Variants in PCDHA3 observed in about 807,000 individuals in gnomAD.
PCDHA3 encodes the protein protocadherin alpha 3.
In PCDHA3, 41 loss-of-function variants were observed where a neutral mutation model predicts 62.2. The observed-to-expected ratio is 0.66, with a 90% CI of 0.51 to 0.86. The LOEUF is 0.86. Ranked by LOEUF, PCDHA3 falls within the 40% of genes least tolerant of loss-of-function variation. PCDHA3 has a pLI of 0.00. For synonymous variants in PCDHA3, 640 were observed against 555.4 expected, an observed-to-expected ratio of 1.15 and a Z score of -2.14; for missense variants, 1,304 against 1,241.2, an observed-to-expected ratio of 1.05 and a Z score of -0.76.
At chr5:140,877,614 G>A (rs2153354451) in intron 1 of PCDHA3, 3 of 1,613,850 alleles carry the variant, frequency 1.9e-6, no homozygotes, top group Middle Eastern at 3.3e-4. Context: ...TGGTGCTCAC[G>A]CTGCTGCTGT....
intron 1 of PCDHA3, chr5:140,804,048 A>C: frequency 6.0e-6 from 1 of 167,982 alleles, no homozygotes; most frequent in East Asian, 1.8e-4. Flanking sequence ...ATAACTCCCT[A>C]TTGATTATGC....
intron 1 of PCDHA3, chr5:140,877,253 T>G (rs2056969600): frequency 1.2e-6 from 2 of 1,613,576 alleles, no homozygotes; most frequent in Non-Finnish European, 8.5e-7. Context: ...GTGGCGAAAG[T>G]GCGCGCGGTG....
Position 140,849,909 on chromosome 5 carries a change from T to A in PCDHA3, c.2394+46318T>A. ...CGTGAAGGAGAACAACCCGCCGGGC[T>A]GCCACATCTTCACGGTGTCTGCGCG... On this transcript the variant is annotated intron_variant, in intron 1 of 3. Coordinates refer to ENST00000522353, the MANE Select transcript of PCDHA3 (RefSeq NM_018906.3). The A allele has an allele frequency of 3.8e-6, 6 of 1,598,300 alleles. 2 individuals carry two copies. The highest frequency in any genetic ancestry group is 5.1e-6 in the Non-Finnish European group (6 of 1,167,786).
chr5:140,829,798 G>A, intron 1 of PCDHA3: 1 of 1,613,874 alleles, frequency 6.2e-7, no homozygotes, highest in Non-Finnish European at 8.5e-7. Flanking sequence ...TGGCGCCTCG[G>A]GTGGGTGGTA....
At chr5:140,841,383 T>C (rs1554138141) in intron 1 of PCDHA3, 11 of 1,613,486 alleles carry the variant, frequency 6.8e-6, no homozygotes, top group Non-Finnish European at 8.5e-6. Context: ...CTTCTGCTCC[T>C]CGCAGCCTGG....
chr5:140,824,510 G>A (rs1052808774), intron 1 of PCDHA3: 6 of 283,302 alleles, frequency 2.1e-5, no homozygotes, highest in Non-Finnish European at 2.6e-5. Flanking sequence ...AGTCTGCAGT[G>A]ATCTGATCAT....
At chr5:140,876,798 CG>C (rs1562719394) in intron 1 of PCDHA3, 1 of 1,614,180 alleles carries the variant, frequency 6.2e-7, no homozygotes, top group East Asian at 2.2e-5. Flanking sequence ...CTAGAGTGTC[CG>C]TGGAGGTGGC....
intron 1 of PCDHA3, among the ~76,000 whole-genome samples, chr5:140,897,816 G>C (rs1305259522): frequency 1.1e-4 from 16 of 152,078 alleles, no homozygotes; most frequent in Non-Finnish European, 1.9e-4. Flanking sequence ...CAGTGTAAAA[G>C]TGTTCCTATT....
chr5:140,895,687 T>G (rs1417809630), intron 1 of PCDHA3, among the ~76,000 whole-genome samples: 2 of 152,184 alleles, frequency 1.3e-5, no homozygotes, highest in African/African-American at 4.8e-5. Flanking sequence ...GTTTTCTGTT[T>G]CTATATTAAT....
intron 1 of PCDHA3, chr5:140,822,063 G>A (rs1581778547): frequency 1.2e-6 from 2 of 1,614,230 alleles, no homozygotes; most frequent in East Asian, 2.2e-5. Flanking sequence ...AGCTGTGCCG[G>A]CGGAGGGCGG....
intron 1 of PCDHA3, chr5:140,809,437 C>T: frequency 6.2e-7 from 1 of 1,614,234 alleles, no homozygotes; most frequent in Non-Finnish European, 8.5e-7. Flanking sequence ...GCTGGTCATA[C>T]TCGCAGCAGA....
chr5:140,941,548 C>CTCG (rs1175641247), intron 1 of PCDHA3, among the ~76,000 whole-genome samples: 1 of 151,868 alleles, frequency 6.6e-6, no homozygotes, highest in Non-Finnish European at 1.5e-5. Context: ...AACTCCTGAC[C>CTCG]TCGTGATCCA....
At chr5:140,805,571 T>C in intron 1 of PCDHA3, 4 of 958,968 alleles carry the variant, frequency 4.2e-6, no homozygotes, top group African/African-American at 1.8e-5. Context: ...GGAAAGTTTT[T>C]AAATGGCTAC....
chr5:140,825,245 T>C (rs1257596640), intron 1 of PCDHA3: 1 of 151,538 alleles, frequency 6.6e-6, no homozygotes, highest in Non-Finnish European at 1.5e-5. Context: ...ATCTATGGTG[T>C]TCCATTGTGT....
intron 1 of PCDHA3, chr5:140,821,966 G>T (rs1280808656): frequency 6.2e-7 from 1 of 1,614,052 alleles, no homozygotes; most frequent in African/African-American, 1.3e-5. Flanking sequence ...CGCCTGTTCC[G>T]GGTGGCGTCC....
intron 1 of PCDHA3, among the ~76,000 whole-genome samples, chr5:140,896,658 T>C (rs2065683362): frequency 6.6e-6 from 1 of 152,154 alleles, no homozygotes; most frequent in African/African-American, 2.4e-5. Context: ...ATTACAGGCA[T>C]GAGTCACTGT....
At chr5:140,808,570 A>C in intron 1 of PCDHA3, 2 of 1,614,090 alleles carry the variant, frequency 1.2e-6, no homozygotes, top group South Asian at 2.2e-5. Flanking sequence ...CCGAGTACAC[A>C]GTGTTCGTGA....
rs2150250773 is a variant in PCDHA3 at position 140,836,019 on chromosome 5, G to A, written c.2394+32428G>A. 7.4e-6 allele frequency: 12 copies of A among 1,613,252 alleles called. No individual in the cohort carries two copies. In the East Asian group the frequency reaches 1.1e-4, roughly 15 times the overall value. ...GCGCGATGCGGGCGTGCCGCCTCTG[G>A]GCAGCAACGTGACGCTGCAGGTGTT... On this transcript the variant is annotated intron_variant, in intron 1 of 3. Coordinates refer to ENST00000522353, the MANE Select transcript of PCDHA3 (RefSeq NM_018906.3).
At chr5:140,967,373 A>C in intron 1 of PCDHA3, 1 of 1,607,416 alleles carries the variant, frequency 6.2e-7, no homozygotes, top group Non-Finnish European at 8.5e-7. Flanking sequence ...CCTGCAGGAG[A>C]ACAGTAAAGT....
Sources: gnomAD v4.1 joint callset for allele counts (sites outside exome capture counted in the v4.1 genomes callset) on GRCh38, gnomAD v4.1.1 for gene constraint, MANE v1.5 for transcripts, NCBI Gene and HGNC (gene_info 2026-07-23, HGNC 2026-07-21) for gene names.